The following PTPRQ variants were observed in gnomAD, a reference collection of about 807,000 sequenced individuals.
PTPRQ encodes protein tyrosine phosphatase receptor type Q.
In PTPRQ, 199 loss-of-function variants were observed where a neutral mutation model predicts 246.0. The ratio of observed to expected loss-of-function variants is 0.81; its 90% confidence interval spans 0.72 to 0.91. The LOEUF is 0.91. PTPRQ is among the 40% of genes least tolerant of loss of function. The probability of loss-of-function intolerance (pLI) is 0.00; values close to 1 mark genes in which losing one functional copy is unlikely to be tolerated. For missense variants in PTPRQ, 2,624 were observed against 2,528.4 expected, an observed-to-expected ratio of 1.04 and a Z score of -0.81; for synonymous variants, 869 against 853.2, an observed-to-expected ratio of 1.02 and a Z score of -0.32.
rs1196308959 is a variant in PTPRQ at position 80,457,650 on chromosome 12, T to A, written c.460+6T>A. ...CTTCCAAACTGCAGAAAGTGGTAATTTTCCTGTCATTTATTTTAAATTGAC... is the reference window on the plus strand; with the variant it reads ...CTTCCAAACTGCAGAAAGTGGTAATATTCCTGTCATTTATTTTAAATTGAC... On this transcript the variant is annotated splice_donor_region_variant and intron_variant, in intron 4 of 44. Transcript: ENST00000644991. The A allele has an allele frequency of 2.5e-6, 1 of 400,084 alleles. No individual in the cohort carries two copies. Among genetic ancestry groups the A allele is most frequent in the Non-Finnish European group, 4.4e-6 (1 of 225,858 alleles). The allele number at this position is 400,084 out of a possible 1,614,324, so 24.8% of individuals were successfully genotyped here.
At chr12:80,671,856 G>C (rs1900980381) in intron 42 of PTPRQ, among the ~76,000 whole-genome samples, 1 of 151,882 alleles carries the variant, frequency 6.6e-6, no homozygotes, top group Non-Finnish European at 1.5e-5. Flanking sequence ...TAACCCACCA[G>C]CAAATACTTT....
chr12:80,504,109 C>T (rs536369505), intron 14 of PTPRQ, among the ~76,000 whole-genome samples: 177 of 151,542 alleles, frequency 1.2e-3, no homozygotes, highest in African/African-American at 3.6e-3. Context: ...AGCCATTATC[C>T]CTTTAAATAT....
chr12:80,617,810 A>G (rs1306130678), intron 30 of PTPRQ, among the ~76,000 whole-genome samples: 1 of 151,460 alleles, frequency 6.6e-6, no homozygotes, highest in East Asian at 1.9e-4. Context: ...TGAAATTTGC[A>G]TTTGACAGAT....
chr12:80,578,929 T>C (rs981068549), intron 25 of PTPRQ, among the ~76,000 whole-genome samples: 9 of 152,206 alleles, frequency 5.9e-5, no homozygotes, highest in Admixed American at 5.9e-4. Context: ...GAGCCAAATT[T>C]ATAATTTACT....
chr12:80,568,425 C>A (rs935859184), intron 25 of PTPRQ, among the ~76,000 whole-genome samples: 1 of 152,116 alleles, frequency 6.6e-6, no homozygotes, highest in Non-Finnish European at 1.5e-5. Context: ...AGCAAGAGTT[C>A]TCTTGGTGTG....
chr12:80,626,797 CTCT>C (rs1899218022), intron 33 of PTPRQ, among the ~76,000 whole-genome samples: 1 of 152,156 alleles, frequency 6.6e-6, no homozygotes, highest in South Asian at 2.1e-4. Flanking sequence ...GTACCATTTT[CTCT>C]TCTTGATAGT....
At chr12:80,464,154 A>T (rs2120504013) in intron 6 of PTPRQ, among the ~76,000 whole-genome samples, 1 of 151,162 alleles carries the variant, frequency 6.6e-6, no homozygotes, top group East Asian at 2.0e-4. Flanking sequence ...CATAGGCTCA[A>T]AATAAAAGGA....
chr12:80,678,782 C>T (rs946800397), intron 44 of PTPRQ, 57 bp downstream of exon 44: 7 of 1,477,976 alleles, frequency 4.7e-6, no homozygotes, highest in East Asian at 5.0e-5. Context: ...ACGGTAAGAA[C>T]ATAAATTTCA....
At chr12:80,546,504 T>G (rs1038177039) in intron 23 of PTPRQ, 52 bp from the exon 24 acceptor site, 9 of 1,489,674 alleles carry the variant, frequency 6.0e-6, no homozygotes, top group Admixed American at 2.5e-5. Flanking sequence ...ATTCCATTGA[T>G]GAACAATTTT....
intron 34 of PTPRQ, 33 bp from the exon 35 acceptor site, chr12:80,634,912 C>T (rs1490212165): frequency 6.5e-7 from 1 of 1,544,174 alleles, no homozygotes; most frequent in Non-Finnish European, 8.7e-7. Context: ...TTGTGTGAAA[C>T]TCCCTTCTTG....
In PTPRQ at chr12:80,679,146, C is replaced by A; in HGVS notation, c.*123C>A. 2.5e-6 allele frequency: 3 copies of A among 1,186,092 alleles called. No individual in the cohort carries two copies. Among genetic ancestry groups the A allele is most frequent in the South Asian group, 2.1e-5 (1 of 46,712 alleles). 73.5% of individuals were successfully genotyped at this position (1,186,092 alleles called of 1,614,324 possible). On this transcript the variant is annotated 3_prime_UTR_variant, in exon 45 of 45. Coordinates refer to ENST00000644991, the MANE Select transcript of PTPRQ (RefSeq NM_001145026.2). Reference sequence around the variant, plus strand: ...AAATATCTATGCTTCTCTCACTGTGCCTTTCCAAACGGATTGAACATTTTA... The same window carrying A: ...AAATATCTATGCTTCTCTCACTGTGACTTTCCAAACGGATTGAACATTTTA...
intron 28 of PTPRQ, among the ~76,000 whole-genome samples, chr12:80,611,455 T>C (rs917986775): frequency 2.0e-5 from 3 of 150,342 alleles, no homozygotes; most frequent in Admixed American, 2.0e-4. Context: ...GGTTCTAAAT[T>C]AAAAGGTAAA....
intron 39 of PTPRQ, among the ~76,000 whole-genome samples, chr12:80,661,640 G>T (rs1366197676): frequency 6.6e-6 from 1 of 151,532 alleles, no homozygotes; most frequent in Non-Finnish European, 1.5e-5. Flanking sequence ...GAGGGTGTTT[G>T]CAGGAGTAAA....
intron 33 of PTPRQ, among the ~76,000 whole-genome samples, chr12:80,624,003 C>A (rs971454747): frequency 6.6e-6 from 1 of 152,182 alleles, no homozygotes; most frequent in African/African-American, 2.4e-5. Context: ...TCTTTCCACT[C>A]ACAGTCAAGG....
chr12:80,588,986 T>C (rs1025898446), intron 26 of PTPRQ, among the ~76,000 whole-genome samples: 1 of 152,128 alleles, frequency 6.6e-6, no homozygotes, highest in Non-Finnish European at 1.5e-5. Context: ...CAGCTTGAGA[T>C]GGGAAGAAGA....
chr12:80,608,611 A>T (rs59132949), intron 27 of PTPRQ, among the ~76,000 whole-genome samples: 8,052 of 148,932 alleles, frequency 0.054, 445 homozygotes, highest in African/African-American at 0.14. Context: ...AGTTAAATTT[A>T]TAAGATCAAA....
chr12:80,539,313 T>C (rs1592630209), intron 19 of PTPRQ, among the ~76,000 whole-genome samples: 1 of 152,118 alleles, frequency 6.6e-6, no homozygotes, highest in Non-Finnish European at 1.5e-5. Context: ...TGAATAATAA[T>C]AGCGATTTGA....
At chr12:80,473,055 A>ACACGCGCGCGCG (rs1337309673) in intron 8 of PTPRQ, among the ~76,000 whole-genome samples, 98 of 150,554 alleles carry the variant, frequency 6.5e-4, no homozygotes, top group African/African-American at 2.3e-3. Context: ...ACGCACACAC[A>ACACGCGCGCGCG]CACACACACA....
intron 17 of PTPRQ, among the ~76,000 whole-genome samples, chr12:80,515,297 G>A (rs2120734018): frequency 6.6e-6 from 1 of 152,202 alleles, no homozygotes; most frequent in Non-Finnish European, 1.5e-5. Flanking sequence ...TTAATAAATG[G>A]TAGCTATCAT....
Sources: allele counts gnomAD v4.1 joint callset (sites outside exome capture counted in the v4.1 genomes callset), GRCh38; gene constraint gnomAD v4.1.1; transcripts MANE v1.5; gene names NCBI Gene and HGNC (gene_info 2026-07-23, HGNC 2026-07-21).